LAPTM4B: variants seen among roughly 807,000 people sequenced by gnomAD.
LAPTM4B encodes lysosomal protein transmembrane 4 beta.
A neutral mutation model predicts 28.5 loss-of-function variants in LAPTM4B; 26 were observed. The ratio of observed to expected loss-of-function variants is 0.91; its 90% CI spans 0.67 to 1.27. LAPTM4B has a LOEUF of 1.27. Ranked by LOEUF, LAPTM4B falls within the 50% of genes most tolerant of loss-of-function variation. The pLI, the probability that LAPTM4B is intolerant of heterozygous loss-of-function variation, is 0.00. For missense variants in LAPTM4B, 288 were observed against 285.8 expected (o/e 1.01, Z -0.06); for synonymous variants, 109 against 106.4 (o/e 1.02, Z -0.15).
chr8:97,804,942 G>A (rs1018324362), intron 1 of LAPTM4B, among the ~76,000 whole-genome samples: 1 of 152,220 alleles, frequency 6.6e-6, no homozygotes, highest in Non-Finnish European at 1.5e-5. Context: ...CCTGTAAAAT[G>A]TTTGATTAAC....
chr8:97,781,267 C>G (rs1003264175), intron 1 of LAPTM4B, among the ~76,000 whole-genome samples: 2 of 134,504 alleles, frequency 1.5e-5, no homozygotes, highest in African/African-American at 6.5e-5. Flanking sequence ...GCGTGAGCCA[C>G]TGTGCCCGGC....
At chr8:97,817,599 C>G (rs528846197) in intron 4 of LAPTM4B, among the ~76,000 whole-genome samples, 1 of 151,868 alleles carries the variant, frequency 6.6e-6, no homozygotes, top group Non-Finnish European at 1.5e-5. Flanking sequence ...CAGGCACCCG[C>G]TACCAAGCCT....
At chr8:97,841,295 G>T in intron 6 of LAPTM4B, among the ~76,000 whole-genome samples, 1 of 152,218 alleles carries the variant, frequency 6.6e-6, no homozygotes, top group East Asian at 1.9e-4. Context: ...CATAGGTGGG[G>T]CATTTAAAAA....
intron 1 of LAPTM4B, among the ~76,000 whole-genome samples, chr8:97,782,279 CTT>C (rs34322160): frequency 0.011 from 536 of 50,176 alleles, 1 homozygote; most frequent in South Asian, 0.017. Context: ...CCATGCCCAG[CTT>C]TTTTTTTTTT....
intron 6 of LAPTM4B, among the ~76,000 whole-genome samples, chr8:97,843,208 A>G (rs928679230): frequency 6.6e-6 from 1 of 152,170 alleles, no homozygotes; most frequent in African/African-American, 2.4e-5. Flanking sequence ...TAAAATTTAC[A>G]TTTGGCCGGG....
chr8:97,779,262 T>C (rs1816271206), intron 1 of LAPTM4B, among the ~76,000 whole-genome samples: 1 of 151,940 alleles, frequency 6.6e-6, no homozygotes, highest in African/African-American at 2.4e-5. Flanking sequence ...GGGCAGATCA[T>C]TGGAGGTCAG....
chr8:97,782,950 T>TTTATTTATTTA (rs1563599721), intron 1 of LAPTM4B, among the ~76,000 whole-genome samples: 33 of 67,496 alleles, frequency 4.9e-4, no homozygotes, highest in African/African-American at 1.3e-3. Context: ...TTATTTATTT[T>TTTATTTATTTA]TTAGTAGAGA....
chr8:97,778,304 T>C (rs1306113533), intron 1 of LAPTM4B, among the ~76,000 whole-genome samples: 3 of 152,006 alleles, frequency 2.0e-5, no homozygotes, highest in African/African-American at 7.3e-5. Context: ...AGCCTTTTTC[T>C]TTTCTTTCTT....
At chr8:97,845,867 CA>C (rs1817423925) in intron 6 of LAPTM4B, among the ~76,000 whole-genome samples, 1 of 39,396 alleles carries the variant, frequency 2.5e-5, no homozygotes, top group African/African-American at 9.0e-5. Context: ...CCCCCCCTTC[CA>C]CTCCCCTCCC....
intron 1 of LAPTM4B, among the ~76,000 whole-genome samples, chr8:97,791,151 T>G (rs907401130): frequency 5.9e-5 from 9 of 152,074 alleles, no homozygotes; most frequent in African/African-American, 1.9e-4. Context: ...AGCGAGCCAC[T>G]TGCCTTGGCC....
rs149877065 is a variant in LAPTM4B, at chr8:97,819,795, C to T, written c.507+557C>T. Reference sequence around the variant, plus strand: ...TGTCGCCCAGGTTGGAGTGCAGTGGCGCAACCTCGGCTTACTGCGAGCTTC... The same window carrying T: ...TGTCGCCCAGGTTGGAGTGCAGTGGTGCAACCTCGGCTTACTGCGAGCTTC... On this transcript the variant is annotated intron_variant, in intron 5 of 6. Coordinates refer to ENST00000521545, the MANE Select transcript of LAPTM4B (RefSeq NM_018407.6). Among the ~76,000 whole-genome samples, 703 of 139,086 alleles carry T rather than the reference C, an allele frequency of 5.1e-3. 2 individuals carry two copies. Among genetic ancestry groups the T allele is most frequent in the Admixed American group, 9.3e-3 (114 of 12,256 alleles). The allele number at this position is 139,086 out of a possible 152,430, so 91.2% of individuals were successfully genotyped here. A position where few individuals can be genotyped will look rare whatever the true frequency, so the allele number is the denominator to read the frequency against.
intron 1 of LAPTM4B, among the ~76,000 whole-genome samples, chr8:97,776,746 C>T (rs1237995843): frequency 1.3e-5 from 2 of 151,804 alleles, no homozygotes; most frequent in Non-Finnish European, 2.9e-5. Flanking sequence ...GTGTGATTTA[C>T]TGCGTTTCCA....
intron 1 of LAPTM4B, among the ~76,000 whole-genome samples, chr8:97,780,597 C>G (rs28684988): frequency 0.2 from 30,775 of 151,976 alleles, 3,416 homozygotes; most frequent in Admixed American, 0.31. Context: ...TTACTAGATA[C>G]TTTGCATAAG....
At chr8:97,792,602 C>G (rs1816518733) in intron 1 of LAPTM4B, among the ~76,000 whole-genome samples, 1 of 150,610 alleles carries the variant, frequency 6.6e-6, no homozygotes, top group African/African-American at 2.4e-5. Flanking sequence ...TTTTTTGAGA[C>G]TAAATCTCTC....
intron 5 of LAPTM4B, among the ~76,000 whole-genome samples, chr8:97,821,248 A>G (rs1816997135): frequency 3.6e-5 from 5 of 137,004 alleles, no homozygotes; most frequent in Non-Finnish European, 8.1e-5. Flanking sequence ...AGGCAGGAGA[A>G]TGGCATGAAC....
chr8:97,842,789 C>T (rs761714783), intron 6 of LAPTM4B, among the ~76,000 whole-genome samples: 14 of 151,680 alleles, frequency 9.2e-5, no homozygotes, highest in Non-Finnish European at 1.6e-4. Flanking sequence ...AGTGCTGGGA[C>T]TACAGGCGTG....
chr8:97,848,735 A>C (rs1369954046), intron 6 of LAPTM4B, among the ~76,000 whole-genome samples: 1 of 152,246 alleles, frequency 6.6e-6, no homozygotes, highest in Non-Finnish European at 1.5e-5. Context: ...TTAATTGTTT[A>C]ATGCAGTGGT....
intron 6 of LAPTM4B, among the ~76,000 whole-genome samples, chr8:97,842,316 C>T (rs1225339990): frequency 6.6e-6 from 1 of 151,950 alleles, no homozygotes. Context: ...GGTGACAGGC[C>T]CTATTTGGCC....
chr8:97,818,947 C>T (rs143936402), intron 4 of LAPTM4B, among the ~76,000 whole-genome samples, 193 bp from the exon 5 acceptor site: 36 of 151,790 alleles, frequency 2.4e-4, no homozygotes, highest in African/African-American at 8.5e-4. Context: ...TACAAAATGT[C>T]CCTGGATACC....
Sources: allele counts gnomAD v4.1 joint callset (sites outside exome capture counted in the v4.1 genomes callset), GRCh38; gene constraint gnomAD v4.1.1; transcripts MANE v1.5; gene names NCBI Gene and HGNC (gene_info 2026-07-23, HGNC 2026-07-21).